Variants in CALD1 observed in about 807,000 individuals in gnomAD.
CALD1 encodes the protein caldesmon.
CALD1 carries 33 observed loss-of-function variants against 99.9 expected under a neutral mutation model. The ratio of observed to expected loss-of-function variants is 0.33; its 90% CI spans 0.25 to 0.44. The LOEUF is 0.44. CALD1 is among the 20% of genes least tolerant of loss of function. The probability of loss-of-function intolerance (pLI) is 1.00; values close to 1 mark genes in which losing one functional copy is unlikely to be tolerated. For missense variants in CALD1, 861 were observed against 962.1 expected, an observed-to-expected ratio of 0.89 and a Z score of 1.39; for synonymous variants, 310 against 325.0, an observed-to-expected ratio of 0.95 and a Z score of 0.50.
At chr7:134,963,601 T>G (rs1808443628) in intron 13 of CALD1, among the ~76,000 whole-genome samples, 1 of 152,226 alleles carries the variant, frequency 6.6e-6, no homozygotes. Context: ...CAAGTACTAA[T>G]ATAAGCAAAT....
intron 1 of CALD1, among the ~76,000 whole-genome samples, chr7:134,794,733 C>T (rs2003620): frequency 0.072 from 11,028 of 152,188 alleles, 517 homozygotes; most frequent in African/African-American, 0.13. Flanking sequence ...GTGATCTGCC[C>T]GCCTCTGCCT....
chr7:134,829,590 AAG>A (rs549975081), intron 1 of CALD1, among the ~76,000 whole-genome samples: 77 of 152,324 alleles, frequency 5.1e-4, no homozygotes, highest in African/African-American at 1.6e-3. Context: ...TGGATCACAA[AAG>A]AGAGAGGCAC....
chr7:134,870,339 G>A (rs1213754212), intron 3 of CALD1, among the ~76,000 whole-genome samples: 2 of 152,196 alleles, frequency 1.3e-5, no homozygotes, highest in African/African-American at 4.8e-5. Context: ...TGAACAGGGG[G>A]TCAGGGAATC....
At chr7:134,874,488 A>G (rs1381782640) in intron 3 of CALD1, among the ~76,000 whole-genome samples, 1 of 152,166 alleles carries the variant, frequency 6.6e-6, no homozygotes, top group East Asian at 1.9e-4. Context: ...TTTCTGAGAA[A>G]CCAGCAGTGA....
At chr7:134,858,973 A>G (rs1385622478) in intron 2 of CALD1, among the ~76,000 whole-genome samples, 1 of 152,236 alleles carries the variant, frequency 6.6e-6, no homozygotes, top group Non-Finnish European at 1.5e-5. Flanking sequence ...CATAATGGCT[A>G]CTGAGCTCTT....
chr7:134,940,961 T>TA (rs1415548948), intron 6 of CALD1, 131 bp from the exon 7 acceptor site: 1 of 658,260 alleles, frequency 1.5e-6, no homozygotes, highest in East Asian at 2.8e-5. Context: ...ATTCCAACTC[T>TA]ACCACATCTG....
chr7:134,826,197 T>C (rs1798985717), intron 1 of CALD1, among the ~76,000 whole-genome samples: 1 of 152,138 alleles, frequency 6.6e-6, no homozygotes, highest in South Asian at 2.1e-4. Context: ...AAGAATAAAG[T>C]ACAAAACTGA....
At chr7:134,785,986 T>C (rs1012726) in intron 1 of CALD1, among the ~76,000 whole-genome samples, 46,518 of 151,978 alleles carry the variant, frequency 0.31, 7,550 homozygotes, top group East Asian at 0.62. Flanking sequence ...CTCCAACCAA[T>C]TGGCATGTTA....
Position 134,933,288 on chromosome 7 carries a change from G to C in CALD1, c.519G>C (p.Gln173His). The C allele has an allele frequency of 6.2e-7, 1 of 1,606,036 alleles. No individual in the cohort carries two copies. The highest frequency in any genetic ancestry group is 8.5e-7 in the Non-Finnish European group (1 of 1,176,586). The change falls in exon 5 of 15, where the codon CAG (glutamine) becomes CAC (histidine). Residue 173 changes from glutamine to histidine, a missense_variant. Transcript: ENST00000361675. The part of the protein sequence containing the change: ...EETETVTKSY[Q>H]KNDWRDAEEN... The stretch of plus-strand genomic sequence containing the variant: ...CAGAAACAGTCACCAAGTCCTACCA[G>C]AAGAATGATTGGAGGGATGCTGAAG...
At chr7:134,802,155 CATAT>C (rs1797971258) in intron 1 of CALD1, among the ~76,000 whole-genome samples, 1 of 144,114 alleles carries the variant, frequency 6.9e-6, no homozygotes, top group Non-Finnish European at 1.5e-5. Context: ...ATAAGTTTGC[CATAT>C]ATATGTCAAC....
In CALD1 at chr7:134,779,763, G is replaced by A. The variant is rs1797032845; in HGVS notation, c.-130+14G>A. 2.5e-6 allele frequency: 1 copy of A among 398,554 alleles called. No homozygotes were observed. The highest frequency in any genetic ancestry group is 4.4e-6 in the Non-Finnish European group (1 of 226,022). The allele number at this position is 398,554 out of a possible 1,614,324, so 24.7% of individuals were successfully genotyped here. A position where few individuals can be genotyped will look rare whatever the true frequency, so the allele number is the denominator to read the frequency against. ...TCAGACTACAAGGTAAGGCACAGAA[G>A]GCTTTCTTTTTTATCTTCTAGAGAG... On this transcript the variant is annotated intron_variant, in intron 1 of 14. Transcript: ENST00000361675.
At chr7:134,733,949 A>T in the CALD1 span, among the ~76,000 whole-genome samples, 3 of 151,360 alleles carry the variant, frequency 2.0e-5, no homozygotes, top group Admixed American at 2.0e-4. Context: ...TATATAGTAT[A>T]AATTTGCTAT....
intron 9 of CALD1, among the ~76,000 whole-genome samples, chr7:134,952,416 ATTAC>A (rs1807418894): frequency 6.6e-6 from 1 of 152,094 alleles, no homozygotes; most frequent in Admixed American, 6.5e-5. Flanking sequence ...TTTTACAGTT[ATTAC>A]TTGTTCCACA....
intron 1 of CALD1, among the ~76,000 whole-genome samples, chr7:134,818,716 C>A (rs1283553917): frequency 6.6e-6 from 1 of 152,100 alleles, no homozygotes; most frequent in African/African-American, 2.4e-5. Context: ...CTCAGTAAAT[C>A]TTGCAATTAT....
rs557539439 is a variant in CALD1 at position 134,895,959 on chromosome 7, C to T, written c.71+28155C>T. 1.3e-4 allele frequency among the ~76,000 whole-genome samples: 20 copies of T among 152,296 alleles called. No homozygotes were observed. In the East Asian group the frequency reaches 2.9e-3, roughly 22 times the overall value. ...GCTCTGTCCTGTCTCATCCTGGTCA[C>T]GTGCTTTGACCTGAATCACCCCTGG... On this transcript the variant is annotated intron_variant, in intron 3 of 14. Transcript: ENST00000361675.
At chr7:134,918,854 G>T (rs1804410942) in intron 3 of CALD1, among the ~76,000 whole-genome samples, 1 of 152,030 alleles carries the variant, frequency 6.6e-6, no homozygotes. Flanking sequence ...AAATTAGCCA[G>T]ATGTGGTGGT....
At chr7:134,885,801 C>A (rs1801825770) in intron 3 of CALD1, among the ~76,000 whole-genome samples, 1 of 152,040 alleles carries the variant, frequency 6.6e-6, no homozygotes, top group Non-Finnish European at 1.5e-5. Context: ...AAATCACATT[C>A]TTCATGTACA....
intron 3 of CALD1, among the ~76,000 whole-genome samples, chr7:134,873,779 T>C (rs1273068372): frequency 6.6e-6 from 1 of 152,192 alleles, no homozygotes; most frequent in Non-Finnish European, 1.5e-5. Flanking sequence ...CCTTACAAAA[T>C]GGGGGTAGTA....
chr7:134,716,739 T>C, the CALD1 span, among the ~76,000 whole-genome samples: 9 of 152,208 alleles, frequency 5.9e-5, no homozygotes, highest in Non-Finnish European at 4.4e-5. Flanking sequence ...CAAAACTACA[T>C]TGCACCATGC....
Sources: allele counts gnomAD v4.1 joint callset (sites outside exome capture counted in the v4.1 genomes callset), GRCh38; gene constraint gnomAD v4.1.1; transcripts MANE v1.5; gene names NCBI Gene and HGNC (gene_info 2026-07-23, HGNC 2026-07-21).